PRELID2: variants seen among roughly 807,000 people sequenced by gnomAD.
The protein encoded by PRELID2 is PRELI domain containing 2, also known as PRELI domain-containing protein 2.
In PRELID2, 25 loss-of-function variants were observed where a neutral mutation model predicts 28.4. The ratio of observed to expected loss-of-function variants is 0.88; its 90% CI spans 0.64 to 1.23. The LOEUF (loss-of-function observed/expected upper bound fraction) is 1.23, where lower values mean the gene tolerates loss of function less well. Ranked by LOEUF, PRELID2 falls within the 50% of genes most tolerant of loss-of-function variation. The probability of loss-of-function intolerance (pLI) is 0.00; values close to 1 mark genes in which losing one functional copy is unlikely to be tolerated. For missense variants in PRELID2, 201 were observed against 214.4 expected (o/e 0.94, Z 0.39); for synonymous variants, 76 against 71.6 (o/e 1.06, Z -0.31).
chr5:145,356,210 T>C, the PRELID2 span, among the ~76,000 whole-genome samples: 8 of 152,126 alleles, frequency 5.3e-5, no homozygotes, highest in Non-Finnish European at 1.2e-4. Flanking sequence ...CTCAAGTATT[T>C]CAGGTTGGGT....
chr5:145,576,903 T>C (rs753783933), intron 1 of PRELID2, among the ~76,000 whole-genome samples: 2 of 152,100 alleles, frequency 1.3e-5, no homozygotes, highest in Admixed American at 6.5e-5. Flanking sequence ...TAAAAGGGTA[T>C]CAAAATATTA....
chr5:145,809,717 A>G (rs574158384), intron 4 of PRELID2, among the ~76,000 whole-genome samples: 1 of 152,380 alleles, frequency 6.6e-6, no homozygotes, highest in East Asian at 1.9e-4. Context: ...ACTCAAATGC[A>G]GGAAAAACCC....
chr5:145,437,129 G>A, the PRELID2 span: 1 of 152,198 alleles, frequency 6.6e-6, no homozygotes, highest in Admixed American at 6.5e-5. Flanking sequence ...GACACCAGCT[G>A]CTGATAAACT....
chr5:145,644,447 A>G (rs1424928509), intron 1 of PRELID2, among the ~76,000 whole-genome samples: 2 of 148,962 alleles, frequency 1.3e-5, no homozygotes, highest in Non-Finnish European at 3.0e-5. Context: ...ATTTTGTTGA[A>G]CTTTTCAAAA....
intron 1 of PRELID2, among the ~76,000 whole-genome samples, chr5:145,725,490 T>C (rs1362007215): frequency 1.3e-5 from 2 of 152,176 alleles, no homozygotes; most frequent in African/African-American, 2.4e-5. Context: ...AAAAAGTCAC[T>C]GGATATATTT....
chr5:145,594,455 CCTGA>C (rs2149633247), intron 1 of PRELID2, among the ~76,000 whole-genome samples: 1 of 152,078 alleles, frequency 6.6e-6, no homozygotes, highest in African/African-American at 2.4e-5. Flanking sequence ...TTCTGATCTT[CCTGA>C]CTTTCATCTC....
chr5:145,300,221 A>G, the PRELID2 span, among the ~76,000 whole-genome samples: 1 of 152,050 alleles, frequency 6.6e-6, no homozygotes, highest in South Asian at 2.1e-4. Context: ...ATCTGATAAT[A>G]CCTTCTTATC....
chr5:145,695,281 A>G (rs1173657542), intron 1 of PRELID2, among the ~76,000 whole-genome samples: 1 of 152,194 alleles, frequency 6.6e-6, no homozygotes, highest in Non-Finnish European at 1.5e-5. Context: ...AAGAGGCAGA[A>G]GAAGAGCTGC....
At chr5:145,295,590 T>C in the PRELID2 span, among the ~76,000 whole-genome samples, 3 of 152,142 alleles carry the variant, frequency 2.0e-5, no homozygotes, top group East Asian at 3.9e-4. Flanking sequence ...GAATGCCAGA[T>C]AGAAATAAAT....
chr5:145,767,964 T>C (rs1337822984), intron 5 of PRELID2, among the ~76,000 whole-genome samples: 1 of 152,122 alleles, frequency 6.6e-6, no homozygotes, highest in Non-Finnish European at 1.5e-5. Context: ...CAGTGGCTCA[T>C]GCCTGTAATC....
At chr5:145,439,802 T>G in the PRELID2 span, among the ~76,000 whole-genome samples, 3 of 152,122 alleles carry the variant, frequency 2.0e-5, no homozygotes, top group Non-Finnish European at 4.4e-5. Context: ...TTGCCTTCTA[T>G]CCTTCAATCT....
Position 145,621,738 on chromosome 5 carries a change from A to G in PRELID2, n.70+143193T>C, listed in dbSNP as rs1448771999. Among the ~76,000 whole-genome samples the G allele has an allele frequency of 3.3e-5, 5 of 152,196 alleles. No individual in the cohort carries two copies. In the East Asian group the frequency reaches 9.6e-4, roughly 29 times the overall value. ...GAGGTTAGTTAATGGATAGAGAATT[A>G]TAGCTAGATTGGAGGAATAACTTCT... is the stretch of plus-strand genomic sequence containing the variant. On this transcript the variant is annotated intron_variant and non_coding_transcript_variant, in intron 1 of 2. Transcript: ENST00000510259.
chr5:145,505,912 A>T (rs1752406824), intron 1 of PRELID2, among the ~76,000 whole-genome samples: 1 of 152,198 alleles, frequency 6.6e-6, no homozygotes, highest in Non-Finnish European at 1.5e-5. Context: ...CAAATACTGT[A>T]TGATTCCACT....
the PRELID2 span, among the ~76,000 whole-genome samples, chr5:145,328,343 C>A: frequency 6.6e-6 from 1 of 152,128 alleles, no homozygotes; most frequent in Admixed American, 6.5e-5. Flanking sequence ...AGTTCTAGAT[C>A]CTTGAGGAAA....
chr5:145,399,001 G>T, the PRELID2 span, among the ~76,000 whole-genome samples: 1 of 152,148 alleles, frequency 6.6e-6, no homozygotes, highest in African/African-American at 2.4e-5. Flanking sequence ...CTGGAGATGT[G>T]CCTGGGATCC....
intron 4 of PRELID2, among the ~76,000 whole-genome samples, chr5:145,810,249 G>C (rs1753836190): frequency 6.6e-6 from 1 of 151,932 alleles, no homozygotes; most frequent in African/African-American, 2.4e-5. Flanking sequence ...TCTTTTTTCT[G>C]ATTTGGCCCA....
chr5:145,695,927 G>A (rs1338584577), intron 1 of PRELID2, among the ~76,000 whole-genome samples: 1 of 152,008 alleles, frequency 6.6e-6, no homozygotes, highest in Non-Finnish European at 1.5e-5. Flanking sequence ...ATCAGAGGGG[G>A]GAGAATCACT....
intron 1 of PRELID2, among the ~76,000 whole-genome samples, chr5:145,654,042 T>A (rs1038457363): frequency 1.3e-5 from 2 of 151,226 alleles, no homozygotes; most frequent in East Asian, 1.9e-4. Flanking sequence ...ATCAAACAGA[T>A]GCAATAAAAA....
the PRELID2 span, among the ~76,000 whole-genome samples, chr5:145,276,230 A>T: frequency 6.6e-6 from 1 of 152,168 alleles, no homozygotes; most frequent in Non-Finnish European, 1.5e-5. Flanking sequence ...AAGCACATTA[A>T]TGACAAATGT....
Sources: allele counts gnomAD v4.1 joint callset (sites outside exome capture counted in the v4.1 genomes callset), GRCh38; gene constraint gnomAD v4.1.1; transcripts MANE v1.5; gene names NCBI Gene and HGNC (gene_info 2026-07-23, HGNC 2026-07-21).